The following NXPH1 variants were observed in gnomAD, a reference collection of about 807,000 sequenced individuals.
NXPH1 encodes the protein neurexophilin 1.
A neutral mutation model predicts 23.7 loss-of-function variants in NXPH1; 5 were observed. That is an observed-to-expected ratio of 0.21 (90% confidence interval 0.11 to 0.44). NXPH1 has a LOEUF of 0.44. Ranked by LOEUF, NXPH1 falls within the 20% of genes least tolerant of loss-of-function variation. NXPH1 has a pLI of 0.99. For missense variants in NXPH1, 324 were observed against 321.6 expected, an observed-to-expected ratio of 1.01 and a Z score of -0.06; for synonymous variants, 144 against 122.2, an observed-to-expected ratio of 1.18 and a Z score of -1.18.
chr7:8,511,918 G>A (rs564560559), intron 2 of NXPH1, among the ~76,000 whole-genome samples: 11 of 152,212 alleles, frequency 7.2e-5, no homozygotes, highest in African/African-American at 2.4e-4. Context: ...AGTAGCCACC[G>A]GGAGGTTCTG....
At chr7:8,451,335 T>C (rs149543830) in intron 2 of NXPH1, among the ~76,000 whole-genome samples, 30 of 152,306 alleles carry the variant, frequency 2.0e-4, no homozygotes, top group Admixed American at 1.3e-4. Flanking sequence ...ATGATTTTGA[T>C]CGCTAATGAC....
rs573580333 is a variant in NXPH1, at chr7:8,708,995, C to T, written c.55-42013C>T. Among the ~76,000 whole-genome samples, 14 of 152,270 alleles carry T rather than the reference C, an allele frequency of 9.2e-5. No individual in the cohort carries two copies. In the South Asian group the frequency reaches 2.9e-3, roughly 32 times the overall value. ...ACACTGAAGTGAGAGAAGCACTGGACACCATGACCAAATAGTGTCCTTTTT... is the reference window on the plus strand; with the variant it reads ...ACACTGAAGTGAGAGAAGCACTGGATACCATGACCAAATAGTGTCCTTTTT... On this transcript the variant is annotated intron_variant, in intron 2 of 2. Coordinates refer to ENST00000405863, the MANE Select transcript of NXPH1 (RefSeq NM_152745.3).
At chr7:8,553,864 A>C (rs1167354767) in intron 2 of NXPH1, among the ~76,000 whole-genome samples, 1 of 151,694 alleles carries the variant, frequency 6.6e-6, no homozygotes, top group Non-Finnish European at 1.5e-5. Flanking sequence ...ACTAATTCCA[A>C]ATCATCACAT....
At chr7:8,614,939 C>T (rs1819703496) in intron 2 of NXPH1, among the ~76,000 whole-genome samples, 1 of 151,948 alleles carries the variant, frequency 6.6e-6, no homozygotes, top group African/African-American at 2.4e-5. Flanking sequence ...AAGCAAAGGT[C>T]TTTTAAATGG....
chr7:8,543,841 GTTTTAAT>G (rs2128618754), intron 2 of NXPH1, among the ~76,000 whole-genome samples: 1 of 151,566 alleles, frequency 6.6e-6, no homozygotes, highest in South Asian at 2.1e-4. Flanking sequence ...CATACCAGGT[GTTTTAAT>G]TTTTAATTTT....
chr7:8,725,853 A>G (rs895280240), intron 2 of NXPH1, among the ~76,000 whole-genome samples: 1 of 103,626 alleles, frequency 9.7e-6, no homozygotes, highest in Non-Finnish European at 2.1e-5. Context: ...AGCACCTGGA[A>G]AGTTCTGAGC....
At chr7:8,550,056 C>G (rs1337694759) in intron 2 of NXPH1, among the ~76,000 whole-genome samples, 1 of 151,544 alleles carries the variant, frequency 6.6e-6, no homozygotes, top group African/African-American at 2.4e-5. Flanking sequence ...TCAAATGCAA[C>G]CCAATTTTTA....
At chr7:8,610,771 G>GTGGA (rs1460595209) in intron 2 of NXPH1, among the ~76,000 whole-genome samples, 8 of 151,726 alleles carry the variant, frequency 5.3e-5, no homozygotes, top group African/African-American at 1.9e-4. Flanking sequence ...CTGAATTAGG[G>GTGGA]TGGATGTTTT....
intron 2 of NXPH1, among the ~76,000 whole-genome samples, chr7:8,692,752 G>A (rs1219219646): frequency 6.6e-6 from 1 of 152,076 alleles, no homozygotes; most frequent in African/African-American, 2.4e-5. Flanking sequence ...ATACATTTTT[G>A]TGCTATTTAG....
chr7:8,535,284 T>C (rs988519832), intron 2 of NXPH1, among the ~76,000 whole-genome samples: 7 of 152,072 alleles, frequency 4.6e-5, no homozygotes, highest in African/African-American at 1.4e-4. Flanking sequence ...AAACAATCAG[T>C]GGAAATAATG....
At chr7:8,545,956 G>A (rs1311992511) in intron 2 of NXPH1, among the ~76,000 whole-genome samples, 1 of 151,446 alleles carries the variant, frequency 6.6e-6, no homozygotes. Context: ...TAGGCTAAAT[G>A]CTCACAGTGG....
chr7:8,655,533 G>T (rs1426925403), intron 2 of NXPH1, among the ~76,000 whole-genome samples: 2 of 149,818 alleles, frequency 1.3e-5, no homozygotes, highest in Admixed American at 6.6e-5. Flanking sequence ...TGCTTTCATG[G>T]TAGTTTTGCC....
intron 2 of NXPH1, among the ~76,000 whole-genome samples, chr7:8,681,330 T>G (rs1821045779): frequency 6.6e-6 from 1 of 152,258 alleles, no homozygotes; most frequent in Non-Finnish European, 1.5e-5. Flanking sequence ...TGCTTTATGC[T>G]TCTTTCTGTG....
intron 2 of NXPH1, among the ~76,000 whole-genome samples, chr7:8,653,967 G>C (rs1330703211): frequency 6.6e-6 from 1 of 152,126 alleles, no homozygotes; most frequent in Non-Finnish European, 1.5e-5. Context: ...AGTTAACTTT[G>C]CTTGGATTTC....
chr7:8,575,055 A>G (rs1818726228), intron 2 of NXPH1, among the ~76,000 whole-genome samples: 1 of 152,142 alleles, frequency 6.6e-6, no homozygotes, highest in African/African-American at 2.4e-5. Context: ...TCTCCCTTTT[A>G]TATTATGTTT....
intron 2 of NXPH1, among the ~76,000 whole-genome samples, chr7:8,564,000 T>C (rs1818496398): frequency 6.6e-6 from 1 of 151,782 alleles, no homozygotes; most frequent in Non-Finnish European, 1.5e-5. Flanking sequence ...GGGTAGAATA[T>C]ATGCAAAGAA....
intron 2 of NXPH1, among the ~76,000 whole-genome samples, chr7:8,602,610 G>A (rs1360071071): frequency 2.6e-5 from 4 of 152,072 alleles, no homozygotes; most frequent in Admixed American, 2.6e-4. Context: ...ATAATTCTCA[G>A]TCTTTCCTTA....
intron 2 of NXPH1, among the ~76,000 whole-genome samples, chr7:8,460,397 AT>A (rs1816672795): frequency 6.6e-6 from 1 of 152,028 alleles, no homozygotes; most frequent in South Asian, 2.1e-4. Flanking sequence ...TTTGGACTAT[AT>A]TTTTGTTAAG....
intron 2 of NXPH1, among the ~76,000 whole-genome samples, chr7:8,650,976 T>C (rs1042896812): frequency 2.0e-5 from 3 of 151,874 alleles, no homozygotes; most frequent in African/African-American, 7.2e-5. Flanking sequence ...TATTTATTTA[T>C]TTATTATTCT....
Sources: gnomAD v4.1 joint callset for allele counts (sites outside exome capture counted in the v4.1 genomes callset) on GRCh38, gnomAD v4.1.1 for gene constraint, MANE v1.5 for transcripts, NCBI Gene and HGNC (gene_info 2026-07-23, HGNC 2026-07-21) for gene names.